The following TRPC1 variants were observed in gnomAD, a reference collection of about 807,000 sequenced individuals.
The protein encoded by TRPC1 is short transient receptor potential channel 1.
TRPC1 carries 42 observed loss-of-function variants against 88.2 expected under a neutral mutation model. The observed-to-expected ratio is 0.48, with a 90% CI of 0.37 to 0.62. TRPC1 has a LOEUF of 0.62. Ranked by LOEUF, TRPC1 falls within the 20% of genes least tolerant of loss-of-function variation. The probability of loss-of-function intolerance (pLI) is 0.00; values close to 1 mark genes in which losing one functional copy is unlikely to be tolerated. For synonymous variants in TRPC1, 288 were observed against 331.8 expected (o/e 0.87, Z 1.43); for missense variants, 699 against 957.3 (o/e 0.73, Z 3.56).
intron 4 of TRPC1, among the ~76,000 whole-genome samples, chr3:142,761,284 T>A (rs1935176276): frequency 6.6e-6 from 1 of 152,190 alleles, no homozygotes; most frequent in Non-Finnish European, 1.5e-5. Flanking sequence ...TATAAAGGGA[T>A]GTTGAATTTT....
intron 4 of TRPC1, 31 bp downstream of exon 4, chr3:142,748,491 G>A: frequency 1.3e-6 from 2 of 1,588,444 alleles, no homozygotes; most frequent in Admixed American, 1.7e-5. Context: ...ATAAATAGAT[G>A]TGTGATATAT....
At chr3:142,736,622 TTCC>T (rs1220045963) in intron 2 of TRPC1, 89 bp downstream of exon 2, 2 of 1,128,064 alleles carry the variant, frequency 1.8e-6, no homozygotes, top group East Asian at 2.6e-5. Context: ...TTTCTTCTTT[TTCC>T]TCCTCTTCTT....
At chr3:142,789,539 G>T (rs1371956586) in intron 7 of TRPC1, among the ~76,000 whole-genome samples, 1 of 152,152 alleles carries the variant, frequency 6.6e-6, no homozygotes, top group African/African-American at 2.4e-5. Context: ...AATGTTTCTT[G>T]TGTTTCCCAG....
intron 12 of TRPC1, 30 bp downstream of exon 12, chr3:142,804,660 T>G (rs1277853186): frequency 3.2e-6 from 5 of 1,556,836 alleles, no homozygotes; most frequent in Non-Finnish European, 4.3e-6. Flanking sequence ...AATGGCAACA[T>G]AAAAGTTTTA....
intron 9 of TRPC1, among the ~76,000 whole-genome samples, 198 bp from the exon 10 acceptor site, chr3:142,801,971 T>A (rs1415924330): frequency 6.6e-6 from 1 of 152,056 alleles, no homozygotes; most frequent in Admixed American, 6.6e-5. Flanking sequence ...ACTGATAGTG[T>A]TGGTATGATT....
intron 4 of TRPC1, among the ~76,000 whole-genome samples, chr3:142,748,720 C>G (rs1439154266): frequency 2.0e-5 from 3 of 152,130 alleles, no homozygotes; most frequent in Non-Finnish European, 2.9e-5. Context: ...GCACTATTTG[C>G]TTTTTAGAGG....
At chr3:142,751,663 CA>C (rs1934769057) in intron 4 of TRPC1, among the ~76,000 whole-genome samples, 1 of 152,162 alleles carries the variant, frequency 6.6e-6, no homozygotes, top group African/African-American at 2.4e-5. Flanking sequence ...AAGTCCCAGG[CA>C]GCCTGGTGAC....
At chr3:142,765,886 G>A (rs1935368071) in intron 4 of TRPC1, among the ~76,000 whole-genome samples, 1 of 151,898 alleles carries the variant, frequency 6.6e-6, no homozygotes, top group Non-Finnish European at 1.5e-5. Flanking sequence ...TAAAAAGTGG[G>A]CAAAGGACAT....
At chr3:142,797,421 A>T (rs2108153857) in intron 9 of TRPC1, among the ~76,000 whole-genome samples, 1 of 152,156 alleles carries the variant, frequency 6.6e-6, no homozygotes, top group Admixed American at 6.5e-5. Flanking sequence ...TCTGGCAAGG[A>T]TTAGTTCTGG....
intron 4 of TRPC1, among the ~76,000 whole-genome samples, chr3:142,775,749 C>T (rs1056161767): frequency 6.6e-6 from 1 of 151,950 alleles, no homozygotes; most frequent in Admixed American, 6.6e-5. Flanking sequence ...TATGAACAGG[C>T]AAGTTACAGA....
intron 1 of TRPC1, among the ~76,000 whole-genome samples, chr3:142,729,662 G>A (rs1308636996): frequency 1.3e-5 from 2 of 152,100 alleles, no homozygotes; most frequent in Admixed American, 6.5e-5. Context: ...AGGTATTATC[G>A]TAACCTAATA....
In TRPC1 at chr3:142,780,938, C is replaced by G. The variant is rs757739566; in HGVS notation, c.869C>G (p.Ser290Cys). Residue 290 changes from serine (S) to cysteine (C), a missense_variant, in exon 6 of 13, where the codon TCT becomes TGT. Transcript: ENST00000476941. The stretch of plus-strand genomic sequence containing the variant: ...TTGGAAGTTATTCTAAACCATACGT[C>G]TAGTGACGAGCCTCTTGACAAACGG... ...RELEVILNHT[S>C]SDEPLDKRGL... 4 of 1,613,774 alleles carry G rather than the reference C, an allele frequency of 2.5e-6. No individual in the cohort carries two copies. In the Admixed American group the frequency reaches 6.7e-5, roughly 27 times the overall value.
chr3:142,802,226 G>C lies in TRPC1; in HGVS notation c.1639G>C (p.Val547Leu). Residue 547 changes from valine (V) to leucine (L), a missense_variant, in exon 10 of 13, where the codon GTT (valine) becomes CTT (leucine). Physicochemically the swap from Val to Leu is conservative, Grantham distance 32. This residue lies in a region of TRPC1 where 426 missense variants were observed against 641.3 expected (regional missense o/e 0.66). Transcript: ENST00000476941. ...AAAATTTCTTGGGATGTTTCTTCTT[G>C]TTTTGTTTTCTTTCACAATTGGACT... ...FGKFLGMFLL[V>L]LFSFTIGLTQ... is the part of the protein sequence containing the mutation. The C allele has an allele frequency of 1.3e-6, 2 of 1,594,842 alleles. No homozygotes were observed. The highest frequency in any genetic ancestry group is 1.7e-6 in the Non-Finnish European group (2 of 1,172,768).
chr3:142,786,902 A>G (rs987183361), intron 7 of TRPC1, among the ~76,000 whole-genome samples: 7 of 152,208 alleles, frequency 4.6e-5, no homozygotes, highest in Non-Finnish European at 8.8e-5. Flanking sequence ...ATCAAATTAA[A>G]GTTTATATGT....
At chr3:142,731,615 A>ACCTCATGATCCG (rs1327542542) in intron 1 of TRPC1, among the ~76,000 whole-genome samples, 1 of 150,768 alleles carries the variant, frequency 6.6e-6, no homozygotes, top group Admixed American at 6.6e-5. Flanking sequence ...CCATCTCCTG[A>ACCTCATGATCCG]CCTCATGATC....
chr3:142,726,166 C>T (rs1476147262), intron 1 of TRPC1, among the ~76,000 whole-genome samples: 1 of 152,068 alleles, frequency 6.6e-6, no homozygotes, highest in Non-Finnish European at 1.5e-5. Context: ...TTGTGTTGTA[C>T]TAAAATGAGT....
At chr3:142,746,003 C>T (rs961742248) in intron 3 of TRPC1, among the ~76,000 whole-genome samples, 6 of 152,140 alleles carry the variant, frequency 3.9e-5, no homozygotes, top group African/African-American at 1.4e-4. Context: ...GTGATCTACC[C>T]TTCTCGGCCT....
rs145861590 is a variant in TRPC1 at position 142,776,763 on chromosome 3, C to T, written c.633-869C>T. ...ACTAAAAATACAAAAATTAGCCAGG[C>T]GTGGTGGCACATGCCTGTAATCCCA... is the stretch of plus-strand genomic sequence containing the variant. On this transcript the variant is annotated intron_variant, in intron 4 of 12. Coordinates refer to ENST00000476941, the MANE Select transcript of TRPC1 (RefSeq NM_001251845.2). The surrounding 1 kb of genome is among the most constrained non-coding windows in gnomAD (Gnocchi z 4.1). Among the ~76,000 whole-genome samples, 637 of 151,936 alleles carry T rather than the reference C, an allele frequency of 4.2e-3. 25 individuals are homozygous for T. The East Asian group carries it at 0.09, about 21-fold the overall frequency.
At chr3:142,739,775 A>G (rs780316316) in intron 2 of TRPC1, among the ~76,000 whole-genome samples, 4 of 152,196 alleles carry the variant, frequency 2.6e-5, no homozygotes, top group Non-Finnish European at 4.4e-5. Context: ...GCCTATGTCA[A>G]TAGTTTTTGT....
Sources: gnomAD v4.1 joint callset for allele counts (sites outside exome capture counted in the v4.1 genomes callset) on GRCh38, gnomAD v4.1.1 for gene constraint, gnomAD v4.1.1 regional missense constraint, Gnocchi (gnomAD v3.1) non-coding constraint, MANE v1.5 for transcripts, NCBI Gene and HGNC (gene_info 2026-07-23, HGNC 2026-07-21) for gene names.